SEPTIN9: variants seen among roughly 807,000 people sequenced by gnomAD.
The protein encoded by SEPTIN9 is septin-9.
Under a neutral mutation model 56.6 loss-of-function variants are expected in SEPTIN9, and 13 were observed. The observed-to-expected ratio is 0.23, with a 90% CI of 0.15 to 0.37. SEPTIN9 has a LOEUF of 0.37. SEPTIN9 is among the 10% of genes least tolerant of loss of function. The probability of loss-of-function intolerance (pLI) is 1.00; values close to 1 mark genes in which losing one functional copy is unlikely to be tolerated. For synonymous variants in SEPTIN9, 332 were observed against 334.1 expected (o/e 0.99, Z 0.07); for missense variants, 650 against 823.1 (o/e 0.79, Z 2.57).
intron 2 of SEPTIN9, among the ~76,000 whole-genome samples, chr17:77,324,112 C>T (rs1271045945): frequency 6.6e-6 from 1 of 152,238 alleles, no homozygotes; most frequent in African/African-American, 2.4e-5. Flanking sequence ...CGACCTCTGC[C>T]TCCGTTGTCA....
chr17:77,399,098 C>A (rs374697020), intron 2 of SEPTIN9, among the ~76,000 whole-genome samples: 1 of 152,186 alleles, frequency 6.6e-6, no homozygotes. Flanking sequence ...GGGCCAGCTC[C>A]GGTTCTAGAA....
chr17:77,385,728 G>A (rs1235129232), intron 2 of SEPTIN9, among the ~76,000 whole-genome samples: 1 of 152,170 alleles, frequency 6.6e-6, no homozygotes, highest in Non-Finnish European at 1.5e-5. Flanking sequence ...GGGGTGTCAG[G>A]TGGAGCCCCT....
chr17:77,318,092 G>C lies in SEPTIN9; in HGVS notation c.76+10895G>C, dbSNP rs1001169733. Among the ~76,000 whole-genome samples the C allele has an allele frequency of 1.3e-4, 20 of 151,814 alleles. No homozygotes were observed. Among genetic ancestry groups the C allele is most frequent in the African/African-American group, 4.8e-4 (20 of 41,318 alleles). On this transcript the variant is annotated intron_variant, in intron 2 of 11. Transcript: ENST00000427177. This position sits in a 1 kb window ranked among gnomAD's most constrained non-coding sequence, Gnocchi z 4.9. Reference sequence around the variant, plus strand: ...ATAAAATAATAAATATAATACACTTGAATCATCTCAAAACCATCTCCCCAC... The same window carrying C: ...ATAAAATAATAAATATAATACACTTCAATCATCTCAAAACCATCTCCCCAC...
chr17:77,454,117 T>TG, intron 3 of SEPTIN9: 1 of 985,790 alleles, frequency 1.0e-6, no homozygotes, highest in Non-Finnish European at 1.2e-6. Context: ...GGGTAAGCTG[T>TG]GGGGGCTCCT....
rs1386322394 is a variant in SEPTIN9, at chr17:77,429,782, A to T, written c.721+27079A>T. Reference sequence around the variant, plus strand: ...GGGTCTTAGAGACCTCAGAGCTGAGACTCGGGACCACAGAGGGGTGGGCTG... The same window carrying T: ...GGGTCTTAGAGACCTCAGAGCTGAGTCTCGGGACCACAGAGGGGTGGGCTG... On this transcript the variant is annotated intron_variant, in intron 3 of 11. Coordinates refer to ENST00000427177, the MANE Select transcript of SEPTIN9 (RefSeq NM_001113491.2). This position sits in a 1 kb window ranked among gnomAD's most constrained non-coding sequence, Gnocchi z 5.2. Among the ~76,000 whole-genome samples, 2 of 152,042 alleles carry T rather than the reference A, an allele frequency of 1.3e-5. No homozygotes were observed. Among genetic ancestry groups the T allele is most frequent in the African/African-American group, 4.8e-5 (2 of 41,400 alleles).
Position 77,451,390 on chromosome 17 carries a change from C to G in SEPTIN9, c.722-30754C>G, listed in dbSNP as rs542364996. The G allele has an allele frequency of 6.1e-6, 6 of 985,692 alleles. No homozygotes were observed. The highest frequency in any genetic ancestry group is 7.2e-6 in the Non-Finnish European group (6 of 830,160). 61.1% of individuals were successfully genotyped at this position (985,692 alleles called of 1,614,324 possible). On this transcript the variant is annotated intron_variant, in intron 3 of 11. Transcript: ENST00000427177. This position sits in a 1 kb window ranked among gnomAD's most constrained non-coding sequence, Gnocchi z 4.2. ...AGGCAGTCGAGGTCCCTCCCTACCT[C>G]TGCCCCGCGCTCTGGGAGGCTCCTT... is the stretch of plus-strand genomic sequence containing the variant.
At chr17:77,408,319 C>T (rs2036164637) in intron 3 of SEPTIN9, among the ~76,000 whole-genome samples, 1 of 152,228 alleles carries the variant, frequency 6.6e-6, no homozygotes. Flanking sequence ...TCTGGGGCCA[C>T]TTGTGAACAT....
chr17:77,490,595 G>A (rs966056456), intron 7 of SEPTIN9, 147 bp from the exon 8 acceptor site: 30 of 667,840 alleles, frequency 4.5e-5, no homozygotes, highest in Middle Eastern at 3.6e-4. Flanking sequence ...CAGCGTGGCC[G>A]ACTCGGCCCG....
chr17:77,403,594 C>T (rs111612429), intron 3 of SEPTIN9, among the ~76,000 whole-genome samples: 2,892 of 152,218 alleles, frequency 0.019, 53 homozygotes, highest in South Asian at 0.073. Flanking sequence ...CAGCAGGGAT[C>T]GTGGCTCCAT....
chr17:77,343,003 G>GTCTGTCTGTCTGTCTGTCTATCTA (rs71160228), intron 2 of SEPTIN9, among the ~76,000 whole-genome samples: 16 of 147,252 alleles, frequency 1.1e-4, no homozygotes, highest in African/African-American at 3.8e-4. Flanking sequence ...CTGTCTGTCT[G>GTCTGTCTGTCTGTCTGTCTATCTA]TCTATCTATC....
At chr17:77,388,939 T>C (rs1487578234) in intron 2 of SEPTIN9, among the ~76,000 whole-genome samples, 1 of 151,148 alleles carries the variant, frequency 6.6e-6, no homozygotes, top group East Asian at 2.0e-4. Flanking sequence ...TCACCGCCTG[T>C]GTGTGCAGTG....
intron 2 of SEPTIN9, among the ~76,000 whole-genome samples, chr17:77,311,315 C>A (rs1232397019): frequency 6.6e-6 from 1 of 151,622 alleles, no homozygotes; most frequent in Non-Finnish European, 1.5e-5. Flanking sequence ...GGAGAGAACC[C>A]GCTTCCATTT....
At chr17:77,331,398 G>A (rs559541300) in intron 2 of SEPTIN9, among the ~76,000 whole-genome samples, 2 of 151,880 alleles carry the variant, frequency 1.3e-5, no homozygotes, top group South Asian at 4.2e-4. Context: ...TATGTTTGTC[G>A]AGCGGGGGCG....
intron 3 of SEPTIN9, among the ~76,000 whole-genome samples, chr17:77,410,839 T>C (rs1159358593): frequency 6.6e-6 from 1 of 152,018 alleles, no homozygotes; most frequent in Non-Finnish European, 1.5e-5. Context: ...GCCCCGTGTC[T>C]CTCTCACCCG....
chr17:77,408,997 G>A (rs553602337), intron 3 of SEPTIN9, among the ~76,000 whole-genome samples: 19 of 152,152 alleles, frequency 1.2e-4, no homozygotes, highest in African/African-American at 4.3e-4. Context: ...GTCATGCCTC[G>A]GGTCCTGAGC....
intron 10 of SEPTIN9, among the ~76,000 whole-genome samples, chr17:77,493,523 C>T (rs1251933647): frequency 6.6e-6 from 1 of 152,156 alleles, no homozygotes; most frequent in Non-Finnish European, 1.5e-5. Flanking sequence ...CTGTTGTAAC[C>T]AATTAGCACA....
At chr17:77,485,018 A>G (rs2039677622) in intron 4 of SEPTIN9, among the ~76,000 whole-genome samples, 1 of 84,664 alleles carries the variant, frequency 1.2e-5, no homozygotes, top group Non-Finnish European at 2.3e-5. Flanking sequence ...GATGGTGGTG[A>G]TTGTGATGGT....
In SEPTIN9 at chr17:77,482,584, A is replaced by G. The variant is rs762799556; in HGVS notation, c.913+249A>G. On this transcript the variant is annotated intron_variant, in intron 4 of 11. Coordinates refer to ENST00000427177, the MANE Select transcript of SEPTIN9 (RefSeq NM_001113491.2). ...CCCCTGAGATGACTTTGGGGAGCCC[A>G]GGCCGGCCTGGAGCAGGTCCTGATG... is the stretch of plus-strand genomic sequence containing the variant. The G allele has an allele frequency of 5.3e-5, 36 of 682,878 alleles. No homozygotes were observed. In the South Asian group the frequency reaches 5.3e-4, roughly 10 times the overall value. The allele number at this position is 682,878 out of a possible 1,614,324, so 42.3% of individuals were successfully genotyped here. A position where few individuals can be genotyped will look rare whatever the true frequency, so the allele number is the denominator to read the frequency against.
intron 10 of SEPTIN9, among the ~76,000 whole-genome samples, chr17:77,494,709 C>G (rs2040178385): frequency 6.6e-6 from 1 of 152,030 alleles, no homozygotes; most frequent in African/African-American, 2.4e-5. Context: ...TGAAGAGGTG[C>G]TGTGAGCAGA....
Sources: gnomAD v4.1 joint callset for allele counts (sites outside exome capture counted in the v4.1 genomes callset) on GRCh38, gnomAD v4.1.1 for gene constraint, Gnocchi (gnomAD v3.1) non-coding constraint, MANE v1.5 for transcripts, NCBI Gene and HGNC (gene_info 2026-07-23, HGNC 2026-07-21) for gene names.